Variants in RAB3GAP2 observed in about 807,000 individuals in gnomAD.
RAB3GAP2 encodes rab3 GTPase-activating protein non-catalytic subunit.
A neutral mutation model predicts 185.3 loss-of-function variants in RAB3GAP2; 87 were observed. That is an observed-to-expected ratio of 0.47 (90% CI 0.39 to 0.56). The LOEUF (loss-of-function observed/expected upper bound fraction) is 0.56. RAB3GAP2 is among the 20% of genes least tolerant of loss of function. The pLI, the probability that RAB3GAP2 is intolerant of heterozygous loss-of-function variation, is 0.00. For synonymous variants in RAB3GAP2, 554 were observed against 576.1 expected (o/e 0.96, Z 0.55); for missense variants, 1,492 against 1,638.2 (o/e 0.91, Z 1.54).
At chr1:220,163,740 C>CATATAT (rs1274317823) in intron 27 of RAB3GAP2, among the ~76,000 whole-genome samples, 1,866 of 89,948 alleles carry the variant, frequency 0.021, 36 homozygotes, top group African/African-American at 0.028. Context: ...TATATAAATA[C>CATATAT]ATACATATAT....
intron 22 of RAB3GAP2, among the ~76,000 whole-genome samples, chr1:220,172,380 C>T (rs1571881527): frequency 6.6e-6 from 1 of 152,168 alleles, no homozygotes; most frequent in Non-Finnish European, 1.5e-5. Flanking sequence ...GAAGACCATT[C>T]CATTTGCCTT....
At chr1:220,249,264 T>C (rs1417678979) in intron 1 of RAB3GAP2, among the ~76,000 whole-genome samples, 1 of 152,128 alleles carries the variant, frequency 6.6e-6, no homozygotes, top group Non-Finnish European at 1.5e-5. Context: ...ACTTGTTGAA[T>C]GGCTTTTACC....
chr1:220,177,336 G>C (rs890304065), intron 21 of RAB3GAP2, among the ~76,000 whole-genome samples: 1 of 152,218 alleles, frequency 6.6e-6, no homozygotes, highest in African/African-American at 2.4e-5. Context: ...GCCCTCTGAG[G>C]AAGGTCAAGT....
chr1:220,214,525 CA>C (rs1659147892), intron 2 of RAB3GAP2, among the ~76,000 whole-genome samples: 1 of 143,490 alleles, frequency 7.0e-6, no homozygotes, highest in African/African-American at 2.6e-5. Flanking sequence ...GACTCTGTCT[CA>C]GGGAAAAAAA....
intron 21 of RAB3GAP2, among the ~76,000 whole-genome samples, chr1:220,176,002 A>G (rs2102861713): frequency 6.6e-6 from 1 of 152,346 alleles, no homozygotes; most frequent in Non-Finnish European, 1.5e-5. Context: ...TATAAGCAAT[A>G]TAGATATTTT....
At chr1:220,228,773 G>A (rs1173315160) in intron 2 of RAB3GAP2, among the ~76,000 whole-genome samples, 2 of 152,186 alleles carry the variant, frequency 1.3e-5, no homozygotes, top group African/African-American at 2.4e-5. Flanking sequence ...ACCCAAAATG[G>A]TTGTGAATGA....
rs940793312 is a variant in RAB3GAP2 at position 220,148,902 on chromosome 1, A to G, written c.*2349T>C. Reference sequence around the variant, plus strand: ...TTTTGTTTTCCTTCAGCATTATACAATATAATTTAATAAGATACAAATGCA... The same window carrying G: ...TTTTGTTTTCCTTCAGCATTATACAGTATAATTTAATAAGATACAAATGCA... On this transcript the variant is annotated 3_prime_UTR_variant, in exon 35 of 35. Transcript: ENST00000358951. The G allele has an allele frequency of 6.6e-6, 1 of 152,184 alleles. No homozygotes were observed. The highest frequency in any genetic ancestry group is 1.5e-5 in the Non-Finnish European group (1 of 68,028). The allele number at this position is 152,184 out of a possible 1,614,324, so 9.4% of individuals were successfully genotyped here. A position where few individuals can be genotyped will look rare whatever the true frequency, so the allele number is the denominator to read the frequency against.
Position 220,213,940 on chromosome 1 carries a change from A to G in RAB3GAP2, c.220T>C (p.Trp74Arg). 1.2e-6 allele frequency: 2 copies of G among 1,613,390 alleles called. No individual in the cohort carries two copies. The highest frequency in any genetic ancestry group is 1.7e-4 in the Middle Eastern group (1 of 6,058). Reference protein sequence around the residue: ...GNTCKTQKTSWLQDCVLSLSP... With the variant: ...GNTCKTQKTSRLQDCVLSLSP... ...AAGGATAAAACACAATCTTGGAGCC[A>G]GGAAGTTTTTTGTGTTTTGCAAGTA... Residue 74 changes from tryptophan (W) to arginine (R), a missense_variant, in exon 3 of 35, where the codon TGG becomes CGG. Physicochemically the swap from Trp to Arg is moderately radical, Grantham distance 101 (BLOSUM62 -3). Transcript: ENST00000358951.
intron 2 of RAB3GAP2, among the ~76,000 whole-genome samples, chr1:220,214,946 T>TTATATGTATATATATA (rs1553279016): frequency 2.2e-4 from 20 of 89,620 alleles, no homozygotes; most frequent in African/African-American, 8.6e-4. Flanking sequence ...AATAGTAGCA[T>TTATATGTATATATATA]TATATATATA....
intron 10 of RAB3GAP2, among the ~76,000 whole-genome samples, chr1:220,195,655 A>G (rs1658710284): frequency 6.6e-6 from 1 of 152,220 alleles, no homozygotes; most frequent in African/African-American, 2.4e-5. Context: ...AAACTAGGAC[A>G]TTAAGATTAC....
chr1:220,245,597 G>A (rs1269382052), intron 1 of RAB3GAP2, among the ~76,000 whole-genome samples: 8 of 151,914 alleles, frequency 5.3e-5, no homozygotes, highest in African/African-American at 1.7e-4. Flanking sequence ...GGGGAGGGGC[G>A]CCCGCCATTG....
chr1:220,189,683 C>T lies in RAB3GAP2; in HGVS notation c.1779+20G>A, dbSNP rs765951830. The stretch of plus-strand genomic sequence containing the variant: ...TATTATAGCTACTAGCAGGAAAGTT[C>T]GTGTATTATATACACTTACTTGTTT... On this transcript the variant is annotated intron_variant, in intron 17 of 34. Transcript: ENST00000358951. 5.2e-6 allele frequency: 8 copies of T among 1,547,756 alleles called. No individual in the cohort carries two copies. Among genetic ancestry groups the T allele is most frequent in the South Asian group, 4.8e-5 (4 of 83,786 alleles).
intron 31 of RAB3GAP2, among the ~76,000 whole-genome samples, chr1:220,155,722 C>T (rs1657844747): frequency 6.6e-6 from 1 of 152,122 alleles, no homozygotes; most frequent in Non-Finnish European, 1.5e-5. Flanking sequence ...CATACTAGCT[C>T]TCTGCAGATG....
At chr1:220,207,123 T>C (rs964354638) in intron 7 of RAB3GAP2, among the ~76,000 whole-genome samples, 2 of 152,240 alleles carry the variant, frequency 1.3e-5, no homozygotes, top group Non-Finnish European at 2.9e-5. Context: ...ATTAACATAT[T>C]TTCATCATTA....
chr1:220,172,688 G>A lies in RAB3GAP2; in HGVS notation c.2365C>T (p.Gln789Ter). The A allele has an allele frequency of 2.5e-6, 4 of 1,613,374 alleles. No individual in the cohort carries two copies. Among genetic ancestry groups the A allele is most frequent in the Non-Finnish European group, 3.4e-6 (4 of 1,179,336 alleles). ...ATGGTATGAAGACAGCAGATTGACT[G>A]TGGTTTATCCAAAATATCCTTTTCC... ...SKEKDILDKP[Q>*]SICCLHTMLS... is the part of the protein sequence containing the mutation. Residue 789 changes from glutamine to a stop codon, truncating the protein, a stop_gained, in exon 22 of 35, where the codon CAG becomes TAG. Coordinates refer to ENST00000358951, the MANE Select transcript of RAB3GAP2 (RefSeq NM_012414.4). LOFTEE classifies it high-confidence loss of function.
intron 1 of RAB3GAP2, among the ~76,000 whole-genome samples, chr1:220,233,761 C>T (rs764672271): frequency 1.3e-5 from 2 of 151,950 alleles, no homozygotes; most frequent in Non-Finnish European, 2.9e-5. Context: ...AGTACAATAG[C>T]GCAATCTTGG....
chr1:220,246,924 G>T (rs887805939), intron 1 of RAB3GAP2, among the ~76,000 whole-genome samples: 1 of 147,872 alleles, frequency 6.8e-6, no homozygotes, highest in Non-Finnish European at 1.5e-5. Flanking sequence ...TAAATAAAAA[G>T]AAGAAAAAAA....
intron 23 of RAB3GAP2, among the ~76,000 whole-genome samples, chr1:220,171,542 C>T (rs1171276846): frequency 1.3e-5 from 2 of 152,126 alleles, no homozygotes; most frequent in Non-Finnish European, 2.9e-5. Flanking sequence ...TTAAATTTAG[C>T]CTATAAACAA....
intron 13 of RAB3GAP2, among the ~76,000 whole-genome samples, chr1:220,191,817 A>G (rs1218995721): frequency 6.9e-6 from 1 of 145,450 alleles, no homozygotes; most frequent in Non-Finnish European, 1.5e-5. Flanking sequence ...AAACTCTCTA[A>G]AAAAAAAAAA....
Sources: allele counts gnomAD v4.1 joint callset (sites outside exome capture counted in the v4.1 genomes callset), GRCh38; gene constraint gnomAD v4.1.1; transcripts MANE v1.5; gene names NCBI Gene and HGNC (gene_info 2026-07-23, HGNC 2026-07-21).